Variants in MMP11 observed in about 807,000 individuals in gnomAD.
The protein encoded by MMP11 is stromelysin-3.
In MMP11, 26 loss-of-function variants were observed where a neutral mutation model predicts 49.5. The ratio of observed to expected loss-of-function variants is 0.52; its 90% CI spans 0.38 to 0.73. The LOEUF is 0.73. Ranked by LOEUF, MMP11 falls within the 30% of genes least tolerant of loss-of-function variation. The pLI is 0.00. For synonymous variants in MMP11, 265 were observed against 282.3 expected (o/e 0.94, Z 0.62); for missense variants, 624 against 671.2 (o/e 0.93, Z 0.78).
At chr22:23,778,016 G>A (rs940332137) in intron 1 of MMP11, among the ~76,000 whole-genome samples, 1 of 152,244 alleles carries the variant, frequency 6.6e-6, no homozygotes, top group African/African-American at 2.4e-5. Flanking sequence ...GCCAAAGGCT[G>A]AGGGTGAGGT....
intron 1 of MMP11, among the ~76,000 whole-genome samples, chr22:23,774,399 G>T (rs738789): frequency 0.92 from 139,619 of 152,130 alleles, 64,226 homozygotes; most frequent in Middle Eastern, 0.97. Flanking sequence ...CAGGGAGCAT[G>T]TGGGGTCACC....
In MMP11 at chr22:23,780,041, A is replaced by G; in HGVS notation, c.339-318A>G. 1 of 397,838 alleles carries G rather than the reference A, an allele frequency of 2.5e-6. No individual in the cohort carries two copies. The highest frequency in any genetic ancestry group is 4.6e-6 in the Non-Finnish European group (1 of 215,914). 24.6% of individuals were successfully genotyped at this position (397,838 alleles called of 1,614,324 possible). A position where few individuals can be genotyped will look rare whatever the true frequency, so the allele number is the denominator to read the frequency against. ...AGAATTTCCTAGGTGGGGGCCTGGG[A>G]ACCAACAGGGGCTCAAGGAACCAAG... On this transcript the variant is annotated intron_variant, in intron 2 of 7. Transcript: ENST00000215743. This position sits in a 1 kb window ranked among gnomAD's most constrained non-coding sequence, Gnocchi z 4.6.
At chr22:23,783,339 T>C (rs1927711100) in intron 7 of MMP11, 72 bp from the exon 8 acceptor site, 2 of 1,591,748 alleles carry the variant, frequency 1.3e-6, no homozygotes, top group Non-Finnish European at 1.7e-6. Context: ...TGCCCATCCC[T>C]GGGCACAGCC....
chr22:23,780,035 C>T lies in MMP11; in HGVS notation c.339-324C>T. 5.2e-6 allele frequency: 2 copies of T among 387,282 alleles called. No homozygotes were observed. Among genetic ancestry groups the T allele is most frequent in the East Asian group, 4.5e-5 (1 of 22,086 alleles). The allele number at this position is 387,282 out of a possible 1,614,324, so 24.0% of individuals were successfully genotyped here. A position where few individuals can be genotyped will look rare whatever the true frequency, so the allele number is the denominator to read the frequency against. ...GTCTTTAGAATTTCCTAGGTGGGGGCCTGGGAACCAACAGGGGCTCAAGGA... is the reference window on the plus strand; with the variant it reads ...GTCTTTAGAATTTCCTAGGTGGGGGTCTGGGAACCAACAGGGGCTCAAGGA... On this transcript the variant is annotated intron_variant, in intron 2 of 7. Transcript: ENST00000215743. This position sits in a 1 kb window ranked among gnomAD's most constrained non-coding sequence, Gnocchi z 4.6.
rs779685280 is a variant in MMP11 at position 23,779,199 on chromosome 22, C to A, written c.121C>A (p.Leu41Ile). ...ARALPPDAHH[L>I]HAERRGPQPW... ...TCCTCCTGCCTAGGACGCCCACCAC[C>A]TCCATGCCGAGAGGAGGGGGCCACA... Residue 41 changes from leucine (L) to isoleucine (I), a missense_variant, in exon 2 of 8, where the codon CTC becomes ATC. Leu to Ile is a conservative substitution (Grantham distance 5). Coordinates refer to ENST00000215743, the MANE Select transcript of MMP11 (RefSeq NM_005940.5). 1 of 1,599,070 alleles carries A rather than the reference C, an allele frequency of 6.3e-7. No individual in the cohort carries two copies. The highest frequency in any genetic ancestry group is 1.7e-5 in the Admixed American group (1 of 58,758).
At chr22:23,777,912 G>A (rs1927473169) in intron 1 of MMP11, 1 of 152,296 alleles carries the variant, frequency 6.6e-6, no homozygotes, top group African/African-American at 2.4e-5. Flanking sequence ...CCCCTTCATG[G>A]TGGGGTGTTC....
At position 23,781,321 on chromosome 22, in the gene MMP11, A is replaced by G. The variant is rs1388725808; in HGVS notation, c.987A>G (p.Pro329=). 1.9e-6 allele frequency: 3 copies of G among 1,613,196 alleles called. No homozygotes were observed. Among genetic ancestry groups the G allele is most frequent in the Non-Finnish European group, 2.5e-6 (3 of 1,179,974 alleles). The change falls in exon 6 of 8, where the codon CCA becomes CCG. Residue 329 remains proline (P), a synonymous_variant. Transcript: ENST00000215743. ...LRGGQLQPGY[P]ALASRHWQGL... is the part of the protein sequence containing the mutation. The stretch of plus-strand genomic sequence containing the variant: ...GGGGCCAGCTGCAGCCCGGCTACCC[A>G]GCATTGGCCTCTCGCCACTGGCAGG...
Position 23,780,730 on chromosome 22 carries a change from C to T in MMP11, c.616+15C>T, listed in dbSNP as rs577538348. On this transcript the variant is annotated intron_variant, in intron 4 of 7. Transcript: ENST00000215743. The surrounding 1 kb of genome is among the most constrained non-coding windows in gnomAD (Gnocchi z 4.6). ...GGATGACCAGGGTATGGGCTGGGGA[C>T]CCATTTTCCAGATGGGGCAACCGAA... 1.4e-5 allele frequency: 22 copies of T among 1,546,298 alleles called. No homozygotes were observed. The South Asian group carries it at 2.5e-4, about 18-fold the overall frequency.
At position 23,780,605 on chromosome 22, in the gene MMP11, C is replaced by T. The variant is rs148274903; in HGVS notation, c.506C>T (p.Pro169Leu). The change falls in exon 4 of 8, where the codon CCG (proline) becomes CTG (leucine). Residue 169 changes from proline to leucine, a missense_variant. Transcript: ENST00000215743. This position sits in a 1 kb window ranked among gnomAD's most constrained non-coding sequence, Gnocchi z 4.6. ...AGGTACTGGCATGGGGACGACCTGC[C>T]GTTTGATGGGCCTGGGGGCATCCTG... ...FARYWHGDDLPFDGPGGILAH... is the reference protein window; with the variant it reads ...FARYWHGDDLLFDGPGGILAH... The T allele has an allele frequency of 8.1e-6, 13 of 1,596,816 alleles. 1 individual carries two copies. Among genetic ancestry groups the T allele is most frequent in the South Asian group, 3.4e-5 (3 of 88,584 alleles).
chr22:23,776,681 C>G (rs916111369), intron 1 of MMP11, among the ~76,000 whole-genome samples: 6 of 152,140 alleles, frequency 3.9e-5, no homozygotes, highest in African/African-American at 7.2e-5. Context: ...CTTAACTCCT[C>G]TGGGGCCCAT....
rs879000719 is a variant in MMP11 at position 23,781,335 on chromosome 22, G to A, written c.1001G>A (p.Arg334His). Residue 334 changes from arginine (R) to histidine (H), a missense_variant, in exon 6 of 8, where the codon CGC becomes CAC. Transcript: ENST00000215743. ...LQPGYPALAS[R>H]HWQGLPSPVD... ...CCCGGCTACCCAGCATTGGCCTCTCGCCACTGGCAGGGACTGCCCAGCCCT... is the reference window on the plus strand; with the variant it reads ...CCCGGCTACCCAGCATTGGCCTCTCACCACTGGCAGGGACTGCCCAGCCCT... The A allele has an allele frequency of 6.8e-6, 11 of 1,613,164 alleles. No individual in the cohort carries two copies. Among genetic ancestry groups the A allele is most frequent in the South Asian group, 4.4e-5 (4 of 91,058 alleles).
Position 23,779,173 on chromosome 22 carries a change from A to G in MMP11, c.109-14A>G. 1 of 1,565,100 alleles carries G rather than the reference A, an allele frequency of 6.4e-7. No homozygotes were observed. Among genetic ancestry groups the G allele is most frequent in the South Asian group, 1.2e-5 (1 of 86,398 alleles). On this transcript the variant is annotated splice_polypyrimidine_tract_variant and intron_variant, in intron 1 of 7. Transcript: ENST00000215743. ...TTAGGCCTGACCAGACCCTCATGTC[A>G]TCCTCCTGCCTAGGACGCCCACCAC...
At position 23,782,472 on chromosome 22, in the gene MMP11, A is replaced by G; in HGVS notation, c.1322A>G (p.Gln441Arg). The G allele has an allele frequency of 6.2e-7, 1 of 1,610,268 alleles. No homozygotes were observed. The highest frequency in any genetic ancestry group is 8.5e-7 in the Non-Finnish European group (1 of 1,178,266). The change falls in exon 7 of 8, where the codon CAG becomes CGG. Residue 441 changes from glutamine (Q) to arginine (R), a missense_variant. Coordinates refer to ENST00000215743, the MANE Select transcript of MMP11 (RefSeq NM_005940.5). ...CCCTCTGAGATCGACGCTGCCTTCC[A>G]GGATGCTGATGGTGCGTTGGGGGTG... is the stretch of plus-strand genomic sequence containing the variant. ...GVPSEIDAAFQDADGYAYFLR... is the reference protein window; with the variant it reads ...GVPSEIDAAFRDADGYAYFLR...
intron 1 of MMP11, among the ~76,000 whole-genome samples, chr22:23,776,569 G>A (rs1471361453): frequency 1.3e-5 from 2 of 152,214 alleles, no homozygotes; most frequent in Non-Finnish European, 2.9e-5. Context: ...TTCAGGGGAA[G>A]GGTAACTCAA....
chr22:23,783,324 C>T, intron 7 of MMP11, 87 bp from the exon 8 acceptor site: 3 of 1,552,020 alleles, frequency 1.9e-6, no homozygotes, highest in South Asian at 2.3e-5. Flanking sequence ...TCAGCCCTCC[C>T]TTAGTGCCCA....
At chr22:23,777,789 G>T (rs575488807) in intron 1 of MMP11, 47 of 152,428 alleles carry the variant, frequency 3.1e-4, no homozygotes, top group African/African-American at 9.9e-4. Context: ...CCACAACCCA[G>T]TGAGACTGCG....
intron 6 of MMP11, chr22:23,781,942 C>T: frequency 1.5e-6 from 1 of 676,232 alleles, no homozygotes; most frequent in Non-Finnish European, 2.8e-6. Context: ...AGGCATTTGT[C>T]ACAGCCAAAT....
chr22:23,782,618 G>T, intron 7 of MMP11, 135 bp downstream of exon 7: 1 of 1,134,802 alleles, frequency 8.8e-7, no homozygotes, highest in Non-Finnish European at 1.2e-6. Flanking sequence ...AGAGCCATCT[G>T]CCCTCCTCTC....
intron 6 of MMP11, chr22:23,781,940 G>C: frequency 3.0e-6 from 2 of 674,826 alleles, no homozygotes; most frequent in South Asian, 3.1e-5. Flanking sequence ...GTAGGCATTT[G>C]TCACAGCCAA....
Sources: gnomAD v4.1 joint callset for allele counts (sites outside exome capture counted in the v4.1 genomes callset) on GRCh38, gnomAD v4.1.1 for gene constraint, Gnocchi (gnomAD v3.1) non-coding constraint, MANE v1.5 for transcripts, NCBI Gene and HGNC (gene_info 2026-07-23, HGNC 2026-07-21) for gene names.